The following CHPF variants were observed in gnomAD, a reference collection of about 807,000 sequenced individuals.
CHPF encodes the protein chondroitin polymerizing factor, non-catalytic subunit.
A neutral mutation model predicts 55.1 loss-of-function variants in CHPF; 34 were observed. The observed-to-expected ratio is 0.62, with a 90% CI of 0.47 to 0.82. The LOEUF (loss-of-function observed/expected upper bound fraction) is 0.82, where lower values mean the gene tolerates loss of function less well. Ranked by LOEUF, CHPF falls within the 40% of genes least tolerant of loss-of-function variation. The probability of loss-of-function intolerance (pLI) is 0.00; values close to 1 mark genes in which losing one functional copy is unlikely to be tolerated. For synonymous variants in CHPF, 489 were observed against 496.6 expected (o/e 0.98, Z 0.20); for missense variants, 961 against 1,106.1 (o/e 0.87, Z 1.86).
Position 219,539,187 on chromosome 2 carries a change from T to C in CHPF, c.*196A>G. On this transcript the variant is annotated 3_prime_UTR_variant, in exon 4 of 4. Transcript: ENST00000243776. ...GGGAAACTGGGTTTGGGATGAGAAG[T>C]GGGTGGCTCTGGGGGCACGTCCCCC... The C allele has an allele frequency of 7.0e-6, 4 of 572,880 alleles. No individual in the cohort carries two copies. Among genetic ancestry groups the C allele is most frequent in the Non-Finnish European group, 1.2e-5 (4 of 326,854 alleles). 35.5% of individuals were successfully genotyped at this position (572,880 alleles called of 1,614,324 possible).
chr2:219,542,326 C>A (rs1378396110), intron 1 of CHPF, 137 bp from the exon 2 acceptor site: 2 of 674,720 alleles, frequency 3.0e-6, no homozygotes, highest in Non-Finnish European at 4.7e-6. Context: ...AAAAATAAAC[C>A]CTCTCTCCCA....
intron 3 of CHPF, 117 bp downstream of exon 3, chr2:219,540,829 G>T: frequency 7.2e-7 from 1 of 1,391,136 alleles, no homozygotes; most frequent in East Asian, 2.4e-5. Context: ...AAACAGGCAG[G>T]GGCTGGGAAG....
rs769864996 is a variant in CHPF, at chr2:219,540,548, C to T, written c.1163G>A (p.Arg388His). 10 of 1,613,810 alleles carry T rather than the reference C, an allele frequency of 6.2e-6. No individual in the cohort carries two copies. Among genetic ancestry groups the T allele is most frequent in the Admixed American group, 3.3e-5 (2 of 59,992 alleles). ...GTAGTCCCAGCGCAGCACCTCAAAG[C>T]GGGAGGCCGGGCGGGATGGTGCTGG... ...GIPAPSRPASRFEVLRWDYFT... is the reference protein window; with the variant it reads ...GIPAPSRPASHFEVLRWDYFT... Residue 388 changes from arginine (R) to histidine (H), a missense_variant, in exon 4 of 4, where the codon CGC becomes CAC. Physicochemically the swap from Arg to His is conservative, Grantham distance 29 (BLOSUM62 0). Coordinates refer to ENST00000243776, the MANE Select transcript of CHPF (RefSeq NM_024536.6).
rs961753393 is a variant in CHPF at position 219,543,449 on chromosome 2, G to A, written c.90C>T (p.Ser30=). Residue 30 remains serine, a synonymous_variant, in exon 1 of 4, where the codon AGC becomes AGT. Coordinates refer to ENST00000243776, the MANE Select transcript of CHPF (RefSeq NM_024536.6). ...ISLGFTLSLL[S]VTWVEEPCGP... ...CGCACGGCTCCTCCACCCAGGTGAC[G>A]CTGAGCAGGCTCAGGGTGAAGCCCA... 6.0e-6 allele frequency: 9 copies of A among 1,499,260 alleles called. No homozygotes were observed. In the African/African-American group the frequency reaches 1.2e-4, roughly 19 times the overall value. 92.9% of individuals were successfully genotyped at this position (1,499,260 alleles called of 1,614,324 possible).
Position 219,542,208 on chromosome 2 carries a change from C to A in CHPF, c.315-19G>T. 10 of 1,213,230 alleles carry A rather than the reference C, an allele frequency of 8.2e-6. No homozygotes were observed. The highest frequency in any genetic ancestry group is 3.2e-5 in the South Asian group (1 of 31,590). The allele number at this position is 1,213,230 out of a possible 1,614,324, so 75.2% of individuals were successfully genotyped here. On this transcript the variant is annotated intron_variant, in intron 1 of 3. Transcript: ENST00000243776. ...GCGGGTCCTAGGGGAGGAGATGGCACAAGCTTATCAAAAGGACAACGGGGC... is the reference window on the plus strand; with the variant it reads ...GCGGGTCCTAGGGGAGGAGATGGCAAAAGCTTATCAAAAGGACAACGGGGC...
rs774187336 is a variant in CHPF, at chr2:219,539,976, C to T, written c.1735G>A (p.Gly579Ser). The change falls in exon 4 of 4, where the codon GGT (glycine) becomes AGT (serine). Residue 579 changes from glycine to serine, a missense_variant. Around this residue, in one of 3 missense-constraint regions of CHPF, gnomAD observed 936 missense variants for 1,058.4 expected, o/e 0.88. Transcript: ENST00000243776. ...HVAELERRFP[G>S]ARVPWLSVQT... is the part of the protein sequence containing the mutation. ...ACACTGAGCCATGGCACCCGGGCAC[C>T]GGGGAAACGCCGCTCCAGCTCTGCC... 5.8e-5 allele frequency: 94 copies of T among 1,613,610 alleles called. No homozygotes were observed. The Admixed American group carries it at 9.5e-4, about 16-fold the overall frequency.
chr2:219,540,182 A>G lies in CHPF; in HGVS notation c.1529T>C (p.Val510Ala), dbSNP rs960827873. 3 of 1,610,528 alleles carry G rather than the reference A, an allele frequency of 1.9e-6. No individual in the cohort carries two copies. In the African/African-American group the frequency reaches 4.0e-5, roughly 21 times the overall value. ...PYVTEASRLTVLLPLAAAERD... is the reference protein window; with the variant it reads ...PYVTEASRLTALLPLAAAERD... ...CTCAGCCGCAGCTAGAGGCAGCAGCACAGTGAGACGTGAGGCCTCAGTGAC... is the reference window on the plus strand; with the variant it reads ...CTCAGCCGCAGCTAGAGGCAGCAGCGCAGTGAGACGTGAGGCCTCAGTGAC... Residue 510 changes from valine to alanine, a missense_variant, in exon 4 of 4, where the codon GTG becomes GCG. Val to Ala is a moderately conservative substitution (Grantham distance 64, BLOSUM62 0). Around this residue, in one of 3 missense-constraint regions of CHPF, gnomAD observed 936 missense variants for 1,058.4 expected, o/e 0.88. Transcript: ENST00000243776.
chr2:219,539,624 T>C lies in CHPF; in HGVS notation c.2087A>G (p.Glu696Gly), dbSNP rs770128957. The C allele has an allele frequency of 6.2e-7, 1 of 1,613,538 alleles. No homozygotes were observed. The highest frequency in any genetic ancestry group is 8.5e-7 in the Non-Finnish European group (1 of 1,179,978). Reference protein sequence around the residue: ...AARGRLAAASEQEEELLESLD... With the variant: ...AARGRLAAASGQEEELLESLD... ...GCTCTCCAGCAGCTCCTCTTCTTGTTCTGAGGCTGCCGCCAGGCGCCCACG... is the reference window on the plus strand; with the variant it reads ...GCTCTCCAGCAGCTCCTCTTCTTGTCCTGAGGCTGCCGCCAGGCGCCCACG... The change falls in exon 4 of 4, where the codon GAA (glutamate) becomes GGA (glycine). Residue 696 changes from glutamate (E) to glycine (G), a missense_variant. Glu to Gly is a moderately conservative substitution (Grantham distance 98, BLOSUM62 -2). Transcript: ENST00000243776.
At position 219,539,599 on chromosome 2, in the gene CHPF, G is replaced by C; in HGVS notation, c.2112C>G (p.Ser704Arg). 3 of 1,613,934 alleles carry C rather than the reference G, an allele frequency of 1.9e-6. No individual in the cohort carries two copies. The highest frequency in any genetic ancestry group is 2.5e-6 in the Non-Finnish European group (3 of 1,179,972). ...GGAGGAACAGCTCGTACACATCCAG[G>C]CTCTCCAGCAGCTCCTCTTCTTGTT... Reference protein sequence around the residue: ...ASEQEEELLESLDVYELFLHF... With the variant: ...ASEQEEELLERLDVYELFLHF... Residue 704 changes from serine to arginine, a missense_variant, in exon 4 of 4, where the codon AGC (serine) becomes AGG (arginine). By Grantham distance (110) the Ser-to-Arg change is moderately radical. Coordinates refer to ENST00000243776, the MANE Select transcript of CHPF (RefSeq NM_024536.6).
rs1695265358 is a variant in CHPF at position 219,541,325 on chromosome 2, C to T, written c.889-200G>A. Reference sequence around the variant, plus strand: ...TCTGCGAAATGGGCATGCGTCCTGTCTCAGAGCTGTCCAAGGGCTAAAATA... The same window carrying T: ...TCTGCGAAATGGGCATGCGTCCTGTTTCAGAGCTGTCCAAGGGCTAAAATA... On this transcript the variant is annotated intron_variant, in intron 2 of 3. Transcript: ENST00000243776. 1.0e-5 allele frequency: 6 copies of T among 590,356 alleles called. No homozygotes were observed. In the South Asian group the frequency reaches 1.5e-4, roughly 15 times the overall value. The allele number at this position is 590,356 out of a possible 1,614,324, so 36.6% of individuals were successfully genotyped here.
Position 219,543,792 on chromosome 2 carries a change from T to G in CHPF, c.-254A>C, listed in dbSNP as rs752719649. On this transcript the variant is annotated 5_prime_UTR_variant, in exon 1 of 4. Transcript: ENST00000243776. ...CTGGAGCCTCAGCCGCGGCCGCAGC[T>G]GTCCGACGTGTCACTGCAAGGGCCC... 1.8e-5 allele frequency: 8 copies of G among 447,214 alleles called. No homozygotes were observed. Among genetic ancestry groups the G allele is most frequent in the Admixed American group, 4.0e-5 (1 of 25,004 alleles). 27.7% of individuals were successfully genotyped at this position (447,214 alleles called of 1,614,324 possible). A position where few individuals can be genotyped will look rare whatever the true frequency, so the allele number is the denominator to read the frequency against.
chr2:219,539,483 T>C lies in CHPF; in HGVS notation c.2228A>G (p.Asp743Gly), dbSNP rs1695211887. 6.2e-7 allele frequency: 1 copy of C among 1,613,612 alleles called. No homozygotes were observed. The highest frequency in any genetic ancestry group is 2.2e-5 in the East Asian group (1 of 44,862). ...GCTCTGGAGGCAGCGGTGGTACAGG[T>C]CCTCACTGAGCCTCGCGCTGCACGT... ...AQTCSARLSEDLYHRCLQSVL... is the reference protein window; with the variant it reads ...AQTCSARLSEGLYHRCLQSVL... The change falls in exon 4 of 4, where the codon GAC becomes GGC. Residue 743 changes from aspartate to glycine, a missense_variant. Physicochemically the swap from Asp to Gly is moderately conservative, Grantham distance 94. This residue lies in a region of CHPF where 936 missense variants were observed against 1,058.4 expected (regional missense o/e 0.88). Transcript: ENST00000243776.
rs752719649 is a variant in CHPF, at chr2:219,543,792, T to C, written c.-254A>G. On this transcript the variant is annotated 5_prime_UTR_variant, in exon 1 of 4. Coordinates refer to ENST00000243776, the MANE Select transcript of CHPF (RefSeq NM_024536.6). ...CTGGAGCCTCAGCCGCGGCCGCAGC[T>C]GTCCGACGTGTCACTGCAAGGGCCC... 1.2e-4 allele frequency: 52 copies of C among 447,222 alleles called. No homozygotes were observed. The highest frequency in any genetic ancestry group is 1.8e-4 in the Non-Finnish European group (46 of 253,082). The allele number at this position is 447,222 out of a possible 1,614,324, so 27.7% of individuals were successfully genotyped here.
At chr2:219,540,727 A>G in intron 3 of CHPF, 85 bp from the exon 4 acceptor site, 5 of 1,395,776 alleles carry the variant, frequency 3.6e-6, no homozygotes, top group Non-Finnish European at 4.8e-6. Flanking sequence ...AGTAGGTGCC[A>G]CTCAGGATGG....
rs758585887 is a variant in CHPF at position 219,540,446 on chromosome 2, A to G, written c.1265T>C (p.Val422Ala). The change falls in exon 4 of 4, where the codon GTG becomes GCG. Residue 422 changes from valine (V) to alanine (A), a missense_variant. By Grantham distance (64) the Val-to-Ala change is moderately conservative. Transcript: ENST00000243776. ...TAGAGCTGTCCCCAGAACATCGGCC[A>G]CATCAGCCCGGTCAGCCCCACGCAG... Reference protein sequence around the residue: ...CPLRGADRADVADVLGTALEE... With the variant: ...CPLRGADRADAADVLGTALEE... 6.2e-7 allele frequency: 1 copy of G among 1,613,758 alleles called. No individual in the cohort carries two copies. Among genetic ancestry groups the G allele is most frequent in the African/African-American group, 1.3e-5 (1 of 75,050 alleles).
At position 219,543,385 on chromosome 2, in the gene CHPF, G is replaced by A. The variant is rs757039509; in HGVS notation, c.154C>T (p.Pro52Ser). ...PPQPGDSELPPRGNTNAARRP... is the reference protein window; with the variant it reads ...PPQPGDSELPSRGNTNAARRP... The stretch of plus-strand genomic sequence containing the variant: ...CGCGCCGCGTTGGTGTTGCCGCGCG[G>A]CGGCAGCTCAGAGTCTCCAGGTTGG... Residue 52 changes from proline (P) to serine (S), a missense_variant, in exon 1 of 4, where the codon CCG becomes TCG. Physicochemically the swap from Pro to Ser is moderately conservative, Grantham distance 74. This residue lies in a region of CHPF where 936 missense variants were observed against 1,058.4 expected (regional missense o/e 0.88). Transcript: ENST00000243776. The A allele has an allele frequency of 2.6e-6, 4 of 1,559,910 alleles. No individual in the cohort carries two copies. The highest frequency in any genetic ancestry group is 2.4e-5 in the East Asian group (1 of 41,126).
intron 1 of CHPF, 144 bp downstream of exon 1, chr2:219,543,081 C>A (rs1344423123): frequency 7.3e-7 from 1 of 1,362,528 alleles, no homozygotes; most frequent in African/African-American, 1.5e-5. Context: ...CTCGGGAAGG[C>A]AGGGCCATCG....
chr2:219,543,028 C>A, intron 1 of CHPF, 197 bp downstream of exon 1: 5 of 1,353,000 alleles, frequency 3.7e-6, no homozygotes, highest in Non-Finnish European at 4.7e-6. Flanking sequence ...TCAGCCCAGG[C>A]CGGGATAGGG....
intron 1 of CHPF, among the ~76,000 whole-genome samples, chr2:219,542,397 G>A (rs1695295748): frequency 6.6e-6 from 1 of 152,210 alleles, no homozygotes; most frequent in Non-Finnish European, 1.5e-5. Context: ...TTTGGGAGAT[G>A]GCAATACCCA....
Sources: gnomAD v4.1 joint callset for allele counts (sites outside exome capture counted in the v4.1 genomes callset) on GRCh38, gnomAD v4.1.1 for gene constraint, gnomAD v4.1.1 regional missense constraint, MANE v1.5 for transcripts, NCBI Gene and HGNC (gene_info 2026-07-23, HGNC 2026-07-21) for gene names.